SRGAP2B: variants seen among roughly 807,000 people sequenced by gnomAD.
SRGAP2B encodes the protein SLIT-ROBO Rho GTPase activating protein 2B.
Under a neutral mutation model 22.2 loss-of-function variants are expected in SRGAP2B, and 9 were observed. That is an observed-to-expected ratio of 0.41 (90% confidence interval 0.24 to 0.71). SRGAP2B has a LOEUF of 0.71. SRGAP2B is among the 30% of genes least tolerant of loss of function. The pLI, the probability that SRGAP2B is intolerant of heterozygous loss-of-function variation, is 0.35. For synonymous variants in SRGAP2B, 36 were observed against 87.4 expected, an observed-to-expected ratio of 0.41 and a Z score of 3.28; for missense variants, 114 against 235.8, an observed-to-expected ratio of 0.48 and a Z score of 3.38.
intron 3 of SRGAP2B, among the ~76,000 whole-genome samples, chr1:144,990,619 C>G (rs1297026662): frequency 6.9e-6 from 1 of 144,602 alleles, no homozygotes; most frequent in Non-Finnish European, 1.5e-5. Flanking sequence ...GGCTGGAGCC[C>G]ACTCCCTCAG....
chr1:144,939,586 A>G (rs1665876277), intron 4 of SRGAP2B, among the ~76,000 whole-genome samples: 1 of 144,996 alleles, frequency 6.9e-6, no homozygotes, highest in African/African-American at 2.7e-5. Flanking sequence ...TATACTGCCA[A>G]CTTGAATACC....
chr1:145,009,354 C>A (rs587607847), intron 2 of SRGAP2B, among the ~76,000 whole-genome samples: 1 of 149,598 alleles, frequency 6.7e-6, no homozygotes. Context: ...TTTGGGAGGC[C>A]GAGGCGGGCG....
intron 2 of SRGAP2B, among the ~76,000 whole-genome samples, chr1:145,023,062 G>T (rs1450418469): frequency 6.7e-6 from 1 of 149,672 alleles, no homozygotes; most frequent in Non-Finnish European, 1.5e-5. Flanking sequence ...CTACTTGGGA[G>T]GCTGAGGCAG....
chr1:145,015,145 C>T (rs1553622913), intron 2 of SRGAP2B, among the ~76,000 whole-genome samples: 2 of 132,528 alleles, frequency 1.5e-5, no homozygotes, highest in South Asian at 4.9e-4. Context: ...GGCATGATCT[C>T]GGCTCACTGC....
intron 3 of SRGAP2B, among the ~76,000 whole-genome samples, chr1:144,975,058 C>T (rs1553613967): frequency 6.8e-6 from 1 of 147,808 alleles, no homozygotes; most frequent in African/African-American, 2.7e-5. Flanking sequence ...GGTTTGTTCT[C>T]AGTGCATGTC....
intron 5 of SRGAP2B, among the ~76,000 whole-genome samples, chr1:144,911,950 C>CT (rs1175957935): frequency 0.012 from 1,320 of 112,878 alleles, 24 homozygotes; most frequent in African/African-American, 0.019. Context: ...TTTCCTTTTT[C>CT]TTTTTTTTTT....
chr1:144,975,964 C>T (rs1553614116), intron 3 of SRGAP2B, among the ~76,000 whole-genome samples: 1 of 147,914 alleles, frequency 6.8e-6, no homozygotes, highest in Non-Finnish European at 1.5e-5. Flanking sequence ...AGCTCCACCT[C>T]CCAGGTTCAC....
chr1:145,041,516 G>GT (rs1649253695), intron 2 of SRGAP2B, among the ~76,000 whole-genome samples: 1 of 127,328 alleles, frequency 7.9e-6, no homozygotes, highest in Admixed American at 7.7e-5. Flanking sequence ...AAAAATAGCA[G>GT]TGTGTAGTGG....
At chr1:144,954,629 G>A (rs1553609954) in intron 4 of SRGAP2B, among the ~76,000 whole-genome samples, 1 of 150,722 alleles carries the variant, frequency 6.6e-6, no homozygotes, top group African/African-American at 2.5e-5. Flanking sequence ...ATGAATAAAT[G>A]ATTCCACTTT....
chr1:144,942,360 C>T (rs1169298965), intron 4 of SRGAP2B, among the ~76,000 whole-genome samples: 2 of 148,902 alleles, frequency 1.3e-5, no homozygotes, highest in Non-Finnish European at 1.5e-5. Context: ...TTGCATGGTG[C>T]CTGATGAGCT....
intron 3 of SRGAP2B, among the ~76,000 whole-genome samples, chr1:144,971,922 T>C (rs1668554301): frequency 6.7e-6 from 1 of 149,776 alleles, no homozygotes. Context: ...GTGGTGGTTA[T>C]TACATTTCAT....
At position 144,971,435 on chromosome 1, in the gene SRGAP2B, C is replaced by CT. The variant is rs11284626; in HGVS notation, c.261-15835dup. Reference sequence around the variant, plus strand: ...TGTGAACCACCGCACCCGGCCCATACTTTTTTTTTGCAGAGATGGGGTCTT... The same window carrying CT: ...TGTGAACCACCGCACCCGGCCCATACTTTTTTTTTTGCAGAGATGGGGTCTT... On this transcript the variant is annotated intron_variant, in intron 3 of 9. Transcript: ENST00000612199. Among the ~76,000 whole-genome samples the CT allele has an allele frequency of 6.0e-5, 9 of 149,486 alleles. 1 individual carries two copies. The highest frequency in any genetic ancestry group is 4.2e-4 in the South Asian group (2 of 4,754).
chr1:144,944,037 C>T lies in SRGAP2B; in HGVS notation c.423+11402G>A, dbSNP rs1382639037. On this transcript the variant is annotated intron_variant, in intron 4 of 9. Coordinates refer to ENST00000612199, the Ensembl canonical transcript of SRGAP2B. The stretch of plus-strand genomic sequence containing the variant: ...CTTAAGTATACAGTATTTTCTAAGA[C>T]GAAGGGCAAAACCAAAATATACCCA... Among the ~76,000 whole-genome samples the T allele has an allele frequency of 1.9e-4, 28 of 149,608 alleles. 1 individual carries two copies. In the East Asian group the frequency reaches 2.2e-3, roughly 12 times the overall value.
chr1:144,915,367 G>A (rs1553603748), intron 4 of SRGAP2B, among the ~76,000 whole-genome samples: 1 of 150,708 alleles, frequency 6.6e-6, no homozygotes, highest in Non-Finnish European at 1.5e-5. Context: ...CTTGAGCAGT[G>A]ATGGCTCCTG....
intron 2 of SRGAP2B, among the ~76,000 whole-genome samples, chr1:145,036,338 A>G (rs11590308): frequency 1.4e-5 from 2 of 146,464 alleles, no homozygotes; most frequent in East Asian, 3.9e-4. Context: ...CCAACCCTAA[A>G]GGCAGCCCTC....
intron 2 of SRGAP2B, among the ~76,000 whole-genome samples, chr1:145,044,670 A>G (rs1649554041): frequency 3.3e-5 from 3 of 92,254 alleles, no homozygotes; most frequent in African/African-American, 8.0e-5. Context: ...AAAAAAAAAA[A>G]AAAAAAAAAA....
At chr1:144,990,896 C>A (rs1383459374) in intron 3 of SRGAP2B, among the ~76,000 whole-genome samples, 6 of 151,320 alleles carry the variant, frequency 4.0e-5, no homozygotes, top group African/African-American at 1.5e-4. Context: ...CGGGGCAGGG[C>A]TCGGGACCTG....
At position 144,905,846 on chromosome 1, in the gene SRGAP2B, G is replaced by A; in HGVS notation, c.702+13C>T. On this transcript the variant is annotated intron_variant, in intron 6 of 9. Coordinates refer to ENST00000612199, the Ensembl canonical transcript of SRGAP2B. ...TTGCTTCCCAGCATCTACAGCTGTG[G>A]GAGCCTACATACCTTCTCCTTCATC... The A allele has an allele frequency of 1.4e-6, 1 of 708,778 alleles. No homozygotes were observed. Among genetic ancestry groups the A allele is most frequent in the Non-Finnish European group, 2.6e-6 (1 of 384,238 alleles). The allele number at this position is 708,778 out of a possible 1,614,324, so 43.9% of individuals were successfully genotyped here.
intron 3 of SRGAP2B, among the ~76,000 whole-genome samples, chr1:144,983,842 A>C (rs1669494770): frequency 6.6e-6 from 1 of 150,406 alleles, no homozygotes; most frequent in African/African-American, 2.5e-5. Flanking sequence ...CCCTCTGTGC[A>C]CGTGTGCAAA....
Sources: gnomAD v4.1 joint callset for allele counts (sites outside exome capture counted in the v4.1 genomes callset) on GRCh38, gnomAD v4.1.1 for gene constraint, MANE v1.5 for transcripts, NCBI Gene and HGNC (gene_info 2026-07-23, HGNC 2026-07-21) for gene names.